Variants in SPATA13 observed in about 807,000 individuals in gnomAD.
SPATA13 encodes the protein spermatogenesis-associated protein 13.
A neutral mutation model predicts 104.0 loss-of-function variants in SPATA13; 50 were observed. That is an observed-to-expected ratio of 0.48 (90% CI 0.38 to 0.61). The LOEUF is 0.61. SPATA13 is among the 20% of genes least tolerant of loss of function. SPATA13 has a pLI of 0.00. For synonymous variants in SPATA13, 606 were observed against 667.5 expected, an observed-to-expected ratio of 0.91 and a Z score of 1.42; for missense variants, 1,524 against 1,690.6, an observed-to-expected ratio of 0.90 and a Z score of 1.73.
chr13:23,982,861 G>A (rs17079684), intron 1 of SPATA13, among the ~76,000 whole-genome samples: 20,196 of 152,092 alleles, frequency 0.13, 1,687 homozygotes, highest in Admixed American at 0.26. Flanking sequence ...TGTGAGCTTC[G>A]GGAGGCTGGG....
intron 2 of SPATA13, among the ~76,000 whole-genome samples, chr13:24,236,494 G>A (rs9578696): frequency 0.02 from 3,095 of 151,852 alleles, 116 homozygotes; most frequent in African/African-American, 0.072. Context: ...ACTCGGGGAG[G>A]CTGAGGCAGG....
intron 1 of SPATA13, among the ~76,000 whole-genome samples, chr13:24,207,598 G>GT (rs879470561): frequency 3.9e-5 from 6 of 152,044 alleles, no homozygotes; most frequent in African/African-American, 1.2e-4. Flanking sequence ...GTTATTTTCT[G>GT]TTTTTTTAAG....
In SPATA13 at chr13:24,017,842, C is replaced by G. The variant is rs558542086; in HGVS notation, c.-112+141C>G. On this transcript the variant is annotated intron_variant, in intron 3 of 14. Transcript: ENST00000424834. ...CCTCTGTAACATACTGTTAAAATCA[C>G]CACAAATTTGATAGTTTCACACTTT... is the stretch of plus-strand genomic sequence containing the variant. 51 of 329,272 alleles carry G rather than the reference C, an allele frequency of 1.5e-4. 1 individual carries two copies. Among genetic ancestry groups the G allele is most frequent in the African/African-American group, 1.1e-3 (50 of 44,650 alleles). 20.4% of individuals were successfully genotyped at this position (329,272 alleles called of 1,614,324 possible).
intron 3 of SPATA13, among the ~76,000 whole-genome samples, chr13:24,150,860 A>G (rs779474233): frequency 2.6e-5 from 4 of 152,178 alleles, no homozygotes; most frequent in Non-Finnish European, 5.9e-5. Context: ...AGCTGTTAGT[A>G]TCACCTAAAA....
chr13:24,192,929 G>A (rs1231142443), intron 1 of SPATA13, among the ~76,000 whole-genome samples: 2 of 152,200 alleles, frequency 1.3e-5, no homozygotes, highest in African/African-American at 4.8e-5. Context: ...AGGAGGAAAA[G>A]GATTCTTTCC....
chr13:24,171,506 T>G lies in SPATA13; in HGVS notation c.-112+10574T>G, dbSNP rs200298148. Reference sequence around the variant, plus strand: ...AGTGTCCTGCAGATGACAGTGGGAGTGCCACAAGGATGGGTGAATGGAGCA... The same window carrying G: ...AGTGTCCTGCAGATGACAGTGGGAGGGCCACAAGGATGGGTGAATGGAGCA... On this transcript the variant is annotated intron_variant, in intron 1 of 12. Coordinates refer to ENST00000382108, the MANE Select transcript of SPATA13 (RefSeq NM_001166271.3). Among the ~76,000 whole-genome samples the G allele has an allele frequency of 2.4e-4, 36 of 152,072 alleles. No individual in the cohort carries two copies. In the East Asian group the frequency reaches 5.0e-3, roughly 21 times the overall value.
chr13:24,299,819 CATCTT>C (rs1877059038), intron 11 of SPATA13, among the ~76,000 whole-genome samples: 1 of 152,214 alleles, frequency 6.6e-6, no homozygotes, highest in South Asian at 2.1e-4. Flanking sequence ...AGGGTTGCCT[CATCTT>C]GTCTTTCCAG....
At chr13:24,014,879 A>ATTTTTTTTTTTTTT (rs10566756) in intron 2 of SPATA13, among the ~76,000 whole-genome samples, 2 of 78,698 alleles carry the variant, frequency 2.5e-5, no homozygotes, top group African/African-American at 5.0e-5. Context: ...CACTTTCTGG[A>ATTTTTTTTTTTTTT]TTTTTTTTTT....
At chr13:24,062,840 T>C (rs1878820225) in intron 3 of SPATA13, among the ~76,000 whole-genome samples, 1 of 152,132 alleles carries the variant, frequency 6.6e-6, no homozygotes, top group Non-Finnish European at 1.5e-5. Context: ...AAACTTCAAT[T>C]TGGAGTGGGT....
intron 1 of SPATA13, among the ~76,000 whole-genome samples, chr13:24,216,709 T>C (rs2138598499): frequency 6.6e-6 from 1 of 152,312 alleles, no homozygotes; most frequent in Middle Eastern, 3.4e-3. Flanking sequence ...GCCTGGGGAA[T>C]AACTTCATCT....
intron 2 of SPATA13, among the ~76,000 whole-genome samples, chr13:23,995,650 G>A (rs1254853133): frequency 6.6e-6 from 1 of 152,128 alleles, no homozygotes; most frequent in Non-Finnish European, 1.5e-5. Flanking sequence ...ATCTAATTTT[G>A]TAATCTGGAA....
At position 24,006,022 on chromosome 13, in the gene SPATA13, A is replaced by C. The variant is rs550320898; in HGVS notation, c.-146-11645A>C. 5.3e-5 allele frequency among the ~76,000 whole-genome samples: 8 copies of C among 152,360 alleles called. No homozygotes were observed. In the East Asian group the frequency reaches 1.5e-3, roughly 29 times the overall value. ...ATAGGAGACATCCCCTGAGAAGGCCAGGGTCAGACTGGCTGGGCTGCAAGC... is the reference window on the plus strand; with the variant it reads ...ATAGGAGACATCCCCTGAGAAGGCCCGGGTCAGACTGGCTGGGCTGCAAGC... On this transcript the variant is annotated intron_variant, in intron 2 of 14. Transcript: ENST00000424834.
chr13:24,062,386 C>T (rs752388042), intron 3 of SPATA13, among the ~76,000 whole-genome samples: 10 of 152,180 alleles, frequency 6.6e-5, no homozygotes, highest in Non-Finnish European at 1.0e-4. Flanking sequence ...CTGATCAGGA[C>T]GAAGAGAGCT....
chr13:24,095,285 C>T (rs1191232226), intron 3 of SPATA13, among the ~76,000 whole-genome samples: 1 of 152,162 alleles, frequency 6.6e-6, no homozygotes, highest in Non-Finnish European at 1.5e-5. Flanking sequence ...ATGTCAAGGA[C>T]ATTACACTAA....
chr13:24,056,579 A>G (rs1878552616), intron 3 of SPATA13, among the ~76,000 whole-genome samples: 1 of 152,268 alleles, frequency 6.6e-6, no homozygotes, highest in South Asian at 2.1e-4. Flanking sequence ...TGAATTGCCT[A>G]CTGCTGCACC....
chr13:24,217,463 C>T (rs1871318556), intron 1 of SPATA13, among the ~76,000 whole-genome samples: 2 of 152,188 alleles, frequency 1.3e-5, no homozygotes, highest in East Asian at 3.8e-4. Flanking sequence ...CCCCTTCAGC[C>T]AGTCATTCAA....
At chr13:24,004,795 A>G (rs1322002445) in intron 2 of SPATA13, among the ~76,000 whole-genome samples, 1 of 152,156 alleles carries the variant, frequency 6.6e-6, no homozygotes, top group Non-Finnish European at 1.5e-5. Context: ...TAGGCTAATA[A>G]TAGTAAGATG....
intron 1 of SPATA13, among the ~76,000 whole-genome samples, chr13:24,167,558 C>T (rs1002281561): frequency 6.6e-6 from 1 of 152,184 alleles, no homozygotes; most frequent in Admixed American, 6.5e-5. Flanking sequence ...GTTCTAAAAT[C>T]GTGAAGTACC....
At chr13:24,093,297 C>A (rs1566100656) in intron 3 of SPATA13, among the ~76,000 whole-genome samples, 1 of 152,210 alleles carries the variant, frequency 6.6e-6, no homozygotes, top group Non-Finnish European at 1.5e-5. Context: ...GAATAGAATA[C>A]AAGTCAGGAA....
Sources: allele counts gnomAD v4.1 joint callset (sites outside exome capture counted in the v4.1 genomes callset), GRCh38; gene constraint gnomAD v4.1.1; transcripts MANE v1.5; gene names NCBI Gene and HGNC (gene_info 2026-07-23, HGNC 2026-07-21).